Variants in ABCB8 observed in about 807,000 individuals in gnomAD.
ABCB8 encodes the protein mitochondrial potassium channel ATP-binding subunit.
Under a neutral mutation model 73.0 loss-of-function variants are expected in ABCB8, and 52 were observed. The observed-to-expected ratio is 0.71, with a 90% CI of 0.57 to 0.90. The LOEUF (loss-of-function observed/expected upper bound fraction) is 0.90, where lower values mean the gene tolerates loss of function less well. Ranked by LOEUF, ABCB8 falls within the 40% of genes least tolerant of loss-of-function variation. ABCB8 has a pLI of 0.00. For synonymous variants in ABCB8, 428 were observed against 423.5 expected (o/e 1.01, Z -0.13); for missense variants, 909 against 974.6 (o/e 0.93, Z 0.90).
chr7:151,032,990 GT>G, intron 1 of ABCB8: 1 of 456,582 alleles, frequency 2.2e-6, no homozygotes, highest in Non-Finnish European at 4.4e-6. Context: ...TTCCCTGCTC[GT>G]CCCAGTTCTG....
At position 151,044,222 on chromosome 7, in the gene ABCB8, G is replaced by A. The variant is rs1302147028; in HGVS notation, c.2016+1G>A. The stretch of plus-strand genomic sequence containing the variant: ...CATGGCCGATGGCCGTGTCTGGGAG[G>A]TTAGTTGTCCTGGGGGCGTGGATCA... On this transcript the variant is annotated splice_donor_variant, in intron 15 of 15. Transcript: ENST00000358849. LOFTEE classifies it high-confidence loss of function. The A allele has an allele frequency of 1.9e-6, 3 of 1,596,980 alleles. No individual in the cohort carries two copies. Among genetic ancestry groups the A allele is most frequent in the Non-Finnish European group, 1.7e-6 (2 of 1,166,750 alleles).
At position 151,034,436 on chromosome 7, in the gene ABCB8, C is replaced by G; in HGVS notation, c.564+8C>G. The G allele has an allele frequency of 6.2e-7, 1 of 1,613,820 alleles. No individual in the cohort carries two copies. The highest frequency in any genetic ancestry group is 8.5e-7 in the Non-Finnish European group (1 of 1,179,960). ...ATCCTCTATGGTGTCCAGGTACAGCCGGGAGTGGGGCTGGGGACCGCCGAG... is the reference window on the plus strand; with the variant it reads ...ATCCTCTATGGTGTCCAGGTACAGCGGGGAGTGGGGCTGGGGACCGCCGAG... On this transcript the variant is annotated splice_region_variant and intron_variant, in intron 3 of 15. Coordinates refer to ENST00000358849, the MANE Select transcript of ABCB8 (RefSeq NM_007188.5).
chr7:151,041,806 C>T (rs769949770), intron 13 of ABCB8, among the ~76,000 whole-genome samples, 155 bp from the exon 14 acceptor site: 82 of 152,210 alleles, frequency 5.4e-4, no homozygotes, highest in Non-Finnish European at 9.7e-4. Flanking sequence ...CACTCTGCAT[C>T]CTCACTTCAC....
chr7:151,038,120 G>C (rs1468426940), intron 9 of ABCB8: 1 of 153,510 alleles, frequency 6.5e-6, no homozygotes, highest in African/African-American at 2.4e-5. Flanking sequence ...GGGGTCTTGG[G>C]GGGCTGCCTC....
rs367609308 is a variant in ABCB8, at chr7:151,034,733, C to T, written c.669C>T (p.Ile223=). The T allele has an allele frequency of 4.7e-5, 76 of 1,613,964 alleles. No homozygotes were observed. Among genetic ancestry groups the T allele is most frequent in the Non-Finnish European group, 5.9e-5 (70 of 1,179,940 alleles). Reference sequence around the variant, plus strand: ...TCTTGTCCCATGCCAGACAAGACATCACCTTCTTTGACGCCAATAAGACAG... The same window carrying T: ...TCTTGTCCCATGCCAGACAAGACATTACCTTCTTTGACGCCAATAAGACAG... ...ALFSSLLRQD[I]TFFDANKTGQ... The change falls in exon 5 of 16, where the codon ATC becomes ATT. Residue 223 remains isoleucine, a synonymous_variant. Coordinates refer to ENST00000358849, the MANE Select transcript of ABCB8 (RefSeq NM_007188.5).
intron 8 of ABCB8, 117 bp from the exon 9 acceptor site, chr7:151,036,427 C>A: frequency 9.7e-7 from 1 of 1,029,832 alleles, no homozygotes; most frequent in Admixed American, 1.8e-5. Flanking sequence ...AGGAGGAAGC[C>A]AACGCTGGGA....
chr7:151,044,014 G>A lies in ABCB8; in HGVS notation c.1809G>A (p.Leu603=). The A allele has an allele frequency of 6.2e-7, 1 of 1,613,016 alleles. No individual in the cohort carries two copies. Among genetic ancestry groups the A allele is most frequent in the Non-Finnish European group, 8.5e-7 (1 of 1,179,854 alleles). ...TTLSGGQKQR[L]AIARALIKQP... is the part of the protein sequence containing the mutation. The stretch of plus-strand genomic sequence containing the variant: ...TGTCTGGGGGCCAGAAGCAGCGCCT[G>A]GCCATCGCCCGAGCCCTTATCAAGC... Residue 603 remains leucine, a synonymous_variant, in exon 15 of 16, where the codon CTG becomes CTA. Coordinates refer to ENST00000358849, the MANE Select transcript of ABCB8 (RefSeq NM_007188.5).
At chr7:151,041,935 C>T in intron 13 of ABCB8, 26 bp from the exon 14 acceptor site, 4 of 1,609,410 alleles carry the variant, frequency 2.5e-6, no homozygotes, top group Non-Finnish European at 3.4e-6. Context: ...TCTATGGACT[C>T]TGTCTCCATA....
At position 151,036,589 on chromosome 7, in the gene ABCB8, G is replaced by C. The variant is rs756597527; in HGVS notation, c.1157G>C (p.Gly386Ala). The change falls in exon 9 of 16, where the codon GGA (glycine) becomes GCA (alanine). Residue 386 changes from glycine (G) to alanine (A), a missense_variant. Gly to Ala is a moderately conservative substitution (Grantham distance 60). Coordinates refer to ENST00000358849, the MANE Select transcript of ABCB8 (RefSeq NM_007188.5). ...TLFIGGSLVA[G>A]QQLTGGDLMS... ...TTTATTGGGGGCTCCCTTGTGGCCG[G>C]ACAGCAGCTGACAGGGGGAGACCTC... The C allele has an allele frequency of 1.9e-6, 3 of 1,613,854 alleles. No individual in the cohort carries two copies. The highest frequency in any genetic ancestry group is 2.5e-6 in the Non-Finnish European group (3 of 1,179,876).
intron 1 of ABCB8, chr7:151,028,893 C>T: frequency 6.7e-7 from 1 of 1,484,124 alleles, no homozygotes; most frequent in Non-Finnish European, 9.0e-7. Context: ...ACCGGGGGTC[C>T]CCTTTCCTGG....
At chr7:151,035,264 A>G (rs1342621246) in intron 5 of ABCB8, among the ~76,000 whole-genome samples, 2 of 152,246 alleles carry the variant, frequency 1.3e-5, no homozygotes, top group Non-Finnish European at 2.9e-5. Flanking sequence ...TGGCCTAGGC[A>G]GTCACTGGTG....
intron 5 of ABCB8, 114 bp from the exon 6 acceptor site, chr7:151,035,467 A>G: frequency 7.7e-7 from 1 of 1,306,730 alleles, no homozygotes; most frequent in South Asian, 1.4e-5. Context: ...CCCAGGGGCC[A>G]AGACCTGGGC....
At chr7:151,031,540 ATCT>A (rs1796163803) in intron 1 of ABCB8, 1 of 402,794 alleles carries the variant, frequency 2.5e-6, no homozygotes, top group South Asian at 4.8e-5. Context: ...GCTTATCTAG[ATCT>A]TCTAGATCTC....
chr7:151,028,554 C>G lies in ABCB8; in HGVS notation c.39C>G (p.Gly13=). Residue 13 remains glycine (G), a synonymous_variant, in exon 1 of 16, where the codon GGC becomes GGG. Coordinates refer to ENST00000358849, the MANE Select transcript of ABCB8 (RefSeq NM_007188.5). Reference sequence around the variant, plus strand: ...TATTTCGGGTCGGGATTCGGGGTGGCCCATTCCCAGGCAGGCTGCTACCGC... The same window carrying G: ...TATTTCGGGTCGGGATTCGGGGTGGGCCATTCCCAGGCAGGCTGCTACCGC... ...VHLFRVGIRG[G]PFPGRLLPPL... 1 of 1,614,040 alleles carries G rather than the reference C, an allele frequency of 6.2e-7. No individual in the cohort carries two copies. The highest frequency in any genetic ancestry group is 8.5e-7 in the Non-Finnish European group (1 of 1,180,008).
intron 1 of ABCB8, among the ~76,000 whole-genome samples, chr7:151,030,026 A>G (rs1204349452): frequency 6.6e-6 from 1 of 152,240 alleles, no homozygotes; most frequent in Non-Finnish European, 1.5e-5. Context: ...AGACAATGCA[A>G]GAAGCTGGAA....
rs756475099 is a variant in ABCB8 at position 151,043,981 on chromosome 7, C to T, written c.1776C>T (p.Gly592=). The T allele has an allele frequency of 1.5e-5, 24 of 1,612,138 alleles. No homozygotes were observed. In the African/African-American group the frequency reaches 3.1e-4, roughly 21 times the overall value. The change falls in exon 15 of 16, where the codon GGC becomes GGT. Residue 592 remains glycine, a synonymous_variant. Coordinates refer to ENST00000358849, the MANE Select transcript of ABCB8 (RefSeq NM_007188.5). ...CCCCTCCCTTCCCAGGTGAACGGGG[C>T]ACTACCCTGTCTGGGGGCCAGAAGC... ...EGYNTVVGER[G]TTLSGGQKQR... is the part of the protein sequence containing the mutation.
At position 151,034,787 on chromosome 7, in the gene ABCB8, C is replaced by T. The variant is rs149107087; in HGVS notation, c.723C>T (p.Asp241=). 90 of 1,613,974 alleles carry T rather than the reference C, an allele frequency of 5.6e-5. No individual in the cohort carries two copies. Among genetic ancestry groups the T allele is most frequent in the Non-Finnish European group, 6.9e-5 (81 of 1,179,976 alleles). ...TGQLVSRLTT[D]VQEFKSSFKL... is the part of the protein sequence containing the mutation. Reference sequence around the variant, plus strand: ...AGCTGGTGAGCCGCTTGACAACTGACGTGCAGGAGTTTAAGTCATCCTTCA... The same window carrying T: ...AGCTGGTGAGCCGCTTGACAACTGATGTGCAGGAGTTTAAGTCATCCTTCA... The change falls in exon 5 of 16, where the codon GAC becomes GAT. Residue 241 remains aspartate, a synonymous_variant. Coordinates refer to ENST00000358849, the MANE Select transcript of ABCB8 (RefSeq NM_007188.5).
chr7:151,033,823 G>T lies in ABCB8; in HGVS notation c.314G>T (p.Ser105Ile). The T allele has an allele frequency of 1.2e-6, 2 of 1,614,028 alleles. No homozygotes were observed. The highest frequency in any genetic ancestry group is 1.7e-6 in the Non-Finnish European group (2 of 1,179,978). ...LCEAEEAPPA[S>I]STPHVVGSRF... ...GAGGCAGAAGAGGCCCCTCCTGCCA[G>T]CTCCACACCCCATGTCGTGGGGTCT... is the stretch of plus-strand genomic sequence containing the variant. Residue 105 changes from serine to isoleucine, a missense_variant, in exon 2 of 16, where the codon AGC becomes ATC. Ser to Ile is a moderately radical substitution (Grantham distance 142, BLOSUM62 -2). Transcript: ENST00000358849.
rs756594037 is a variant in ABCB8, at chr7:151,034,273, C to T, written c.409C>T (p.Leu137=). The change falls in exon 3 of 16, where the codon CTG becomes TTG. Residue 137 remains leucine, a splice_region_variant and synonymous_variant. Transcript: ENST00000358849. ...TGTGCCCTCTGTCTCCCCATTCCAG[C>T]TGGCCTTGGGTGCGGCACTCGTGAA... ...HLLVLGVAVV[L]ALGAALVNVQ... 1.7e-5 allele frequency: 28 copies of T among 1,609,822 alleles called. No individual in the cohort carries two copies. The highest frequency in any genetic ancestry group is 2.3e-5 in the Non-Finnish European group (27 of 1,178,190).
Sources: gnomAD v4.1 joint callset for allele counts (sites outside exome capture counted in the v4.1 genomes callset) on GRCh38, gnomAD v4.1.1 for gene constraint, MANE v1.5 for transcripts, NCBI Gene and HGNC (gene_info 2026-07-23, HGNC 2026-07-21) for gene names.